Variants in FNIP1 observed in about 807,000 individuals in gnomAD.
The protein encoded by FNIP1 is folliculin interacting protein 1.
In FNIP1, 40 loss-of-function variants were observed where a neutral mutation model predicts 124.5. That is an observed-to-expected ratio of 0.32 (90% CI 0.25 to 0.42). The LOEUF (loss-of-function observed/expected upper bound fraction) is 0.42, where lower values mean the gene tolerates loss of function less well. FNIP1 is among the 10% of genes least tolerant of loss of function. The pLI is 1.00. For synonymous variants in FNIP1, 472 were observed against 470.6 expected, an observed-to-expected ratio of 1.00 and a Z score of -0.04; for missense variants, 1,176 against 1,403.7, an observed-to-expected ratio of 0.84 and a Z score of 2.59.
chr5:131,796,123 C>CT (rs1276215053), intron 1 of FNIP1: 7 of 152,210 alleles, frequency 4.6e-5, no homozygotes, highest in African/African-American at 1.7e-4. Context: ...TTTAAGACTC[C>CT]TTTTCAGTAA....
At chr5:131,721,711 T>C (rs1030701417) in intron 3 of FNIP1, among the ~76,000 whole-genome samples, 6 of 152,202 alleles carry the variant, frequency 3.9e-5, no homozygotes, top group African/African-American at 1.4e-4. Flanking sequence ...GGCAGGAGAA[T>C]CGCTTGAGCC....
intron 11 of FNIP1, among the ~76,000 whole-genome samples, chr5:131,683,116 T>C (rs998061622): frequency 5.9e-5 from 9 of 152,222 alleles, no homozygotes; most frequent in African/African-American, 2.2e-4. Context: ...CATTTAAAGA[T>C]TATGTCATTG....
intron 3 of FNIP1, among the ~76,000 whole-genome samples, chr5:131,722,376 T>C (rs1354364923): frequency 1.3e-5 from 2 of 152,102 alleles, no homozygotes; most frequent in African/African-American, 4.8e-5. Flanking sequence ...TTAGAGAGTG[T>C]CCCAATACCA....
chr5:131,757,240 G>C (rs1387409650), intron 1 of FNIP1, among the ~76,000 whole-genome samples: 4 of 152,192 alleles, frequency 2.6e-5, no homozygotes, highest in Non-Finnish European at 4.4e-5. Flanking sequence ...AGGAGAGTCA[G>C]TTAGCTAACA....
At chr5:131,658,880 T>A (rs1246922825) in intron 15 of FNIP1, among the ~76,000 whole-genome samples, 1 of 115,792 alleles carries the variant, frequency 8.6e-6, no homozygotes, top group East Asian at 2.7e-4. Flanking sequence ...ACCTTCACTG[T>A]CCCAGTTTTT....
intron 11 of FNIP1, among the ~76,000 whole-genome samples, chr5:131,693,827 T>C (rs1278204266): frequency 6.6e-6 from 1 of 151,604 alleles, no homozygotes; most frequent in African/African-American, 2.4e-5. Flanking sequence ...GACAAAGAAC[T>C]GGTATCCAAA....
At chr5:131,735,858 T>C (rs964582290) in intron 2 of FNIP1, among the ~76,000 whole-genome samples, 2 of 151,714 alleles carry the variant, frequency 1.3e-5, no homozygotes, top group Non-Finnish European at 2.9e-5. Flanking sequence ...GTATAATACA[T>C]ATTATATATA....
Position 131,674,791 on chromosome 5 carries a change from A to G in FNIP1, c.1520-1867T>C, listed in dbSNP as rs142761213. ...TAATTCAATTTTTGAAGTTGTCAGT[A>G]TACACATTTAAAATCCTCTATTTTT... On this transcript the variant is annotated intron_variant, in intron 13 of 17. Coordinates refer to ENST00000510461, the MANE Select transcript of FNIP1 (RefSeq NM_133372.3). Among the ~76,000 whole-genome samples, 33 of 152,222 alleles carry G rather than the reference A, an allele frequency of 2.2e-4. No homozygotes were observed. The East Asian group carries it at 6.4e-3, about 30-fold the overall frequency.
At chr5:131,696,419 TAAAG>T (rs1768691880) in intron 11 of FNIP1, among the ~76,000 whole-genome samples, 1 of 152,040 alleles carries the variant, frequency 6.6e-6, no homozygotes, top group Non-Finnish European at 1.5e-5. Flanking sequence ...AATTCAGATA[TAAAG>T]AGTGAAGATG....
chr5:131,666,691 G>A (rs1767613302), intron 15 of FNIP1, among the ~76,000 whole-genome samples: 1 of 152,102 alleles, frequency 6.6e-6, no homozygotes, highest in South Asian at 2.1e-4. Context: ...AAGTGAAATA[G>A]TACACTTAAG....
intron 17 of FNIP1, among the ~76,000 whole-genome samples, chr5:131,645,152 T>G (rs571512947): frequency 5.3e-5 from 8 of 151,980 alleles, no homozygotes; most frequent in African/African-American, 1.9e-4. Context: ...AGACCCTGTC[T>G]CCACAAAAAA....
In FNIP1 at chr5:131,782,253, G is replaced by A. The variant is rs375320392; in HGVS notation, c.92+14577C>T. Among the ~76,000 whole-genome samples the A allele has an allele frequency of 1.9e-4, 29 of 152,070 alleles. 1 individual carries two copies. In the South Asian group the frequency reaches 5.6e-3, roughly 29 times the overall value. On this transcript the variant is annotated intron_variant, in intron 1 of 17. Transcript: ENST00000510461. ...CTGATAAATCTGGGAAAATAAAATT[G>A]AAAACCTTCTGGAGGCCAGGCACTG... is the stretch of plus-strand genomic sequence containing the variant.
intron 1 of FNIP1, among the ~76,000 whole-genome samples, chr5:131,780,008 C>G (rs987363553): frequency 6.6e-6 from 1 of 151,514 alleles, no homozygotes; most frequent in Non-Finnish European, 1.5e-5. Context: ...TGAGACCAGC[C>G]TGGGCAACAT....
chr5:131,671,894 A>G lies in FNIP1; in HGVS notation c.2550T>C (p.Asp850=), dbSNP rs776316525. ...NDDSIETRTI[D]DVPFKTSTDS... ...CTGTACTTGTTTTAAATGGAACATC[A>G]TCAATAGTCCTGGTTTCGATTGAAT... is the stretch of plus-strand genomic sequence containing the variant. Residue 850 remains aspartate (D), a synonymous_variant, in exon 14 of 18, where the codon GAT becomes GAC. Coordinates refer to ENST00000510461, the MANE Select transcript of FNIP1 (RefSeq NM_133372.3). 6.2e-7 allele frequency: 1 copy of G among 1,614,184 alleles called. No individual in the cohort carries two copies. The highest frequency in any genetic ancestry group is 1.1e-5 in the South Asian group (1 of 91,084).
chr5:131,729,604 G>A (rs1580791004), intron 3 of FNIP1, among the ~76,000 whole-genome samples: 1 of 152,162 alleles, frequency 6.6e-6, no homozygotes, highest in East Asian at 1.9e-4. Flanking sequence ...TTGAGACAAG[G>A]TCTCACTCTG....
intron 13 of FNIP1, among the ~76,000 whole-genome samples, chr5:131,674,778 T>C (rs1322417117): frequency 1.4e-4 from 22 of 152,190 alleles, no homozygotes; most frequent in Admixed American, 1.4e-3. Context: ...ATTCAATTTT[T>C]GAAGTTGTCA....
At chr5:131,771,869 T>C (rs1352185054) in intron 1 of FNIP1, among the ~76,000 whole-genome samples, 1 of 152,184 alleles carries the variant, frequency 6.6e-6, no homozygotes, top group Admixed American at 6.6e-5. Context: ...TTATGTTCCA[T>C]TCCACCTACG....
chr5:131,796,679 A>G, intron 1 of FNIP1, 151 bp downstream of exon 1: 2 of 685,996 alleles, frequency 2.9e-6, no homozygotes, highest in South Asian at 2.0e-5. Flanking sequence ...CTTCGGCGCT[A>G]GCCCGCAGCC....
chr5:131,680,184 TTGTGCAA>T (rs1315643624), intron 11 of FNIP1, among the ~76,000 whole-genome samples: 1 of 152,198 alleles, frequency 6.6e-6, no homozygotes, highest in Non-Finnish European at 1.5e-5. Context: ...TGAGATTTTA[TTGTGCAA>T]TACTGCTCTA....
Sources: gnomAD v4.1 joint callset for allele counts (sites outside exome capture counted in the v4.1 genomes callset) on GRCh38, gnomAD v4.1.1 for gene constraint, MANE v1.5 for transcripts, NCBI Gene and HGNC (gene_info 2026-07-23, HGNC 2026-07-21) for gene names.